MSI2: variants seen among roughly 807,000 people sequenced by gnomAD.
MSI2 encodes the protein RNA-binding protein Musashi homolog 2.
A neutral mutation model predicts 45.6 loss-of-function variants in MSI2; 17 were observed. The observed-to-expected ratio is 0.37, with a 90% CI of 0.26 to 0.56. The LOEUF (loss-of-function observed/expected upper bound fraction) is 0.56, where lower values mean the gene tolerates loss of function less well. Ranked by LOEUF, MSI2 falls within the 20% of genes least tolerant of loss-of-function variation. The probability of loss-of-function intolerance (pLI) is 0.77; values close to 1 mark genes in which losing one functional copy is unlikely to be tolerated. For missense variants in MSI2, 293 were observed against 444.2 expected (o/e 0.66, Z 3.06); for synonymous variants, 156 against 158.2 (o/e 0.99, Z 0.11).
At chr17:57,256,461 T>C, upstream of MSI2, 1 of 62,282 alleles carries the variant, frequency 1.6e-5, no homozygotes, top group Non-Finnish European at 2.7e-5. Flanking sequence ...GAGGAGGAGA[T>C]GGGGGTGGGG....
At chr17:57,643,697 A>G (rs141414834) in intron 10 of MSI2, among the ~76,000 whole-genome samples, 2 of 152,388 alleles carry the variant, frequency 1.3e-5, no homozygotes, top group African/African-American at 2.4e-5. Context: ...TGAAACCTCA[A>G]CAAAGGTTTG....
At chr17:57,343,110 C>A (rs569372261) in intron 5 of MSI2, among the ~76,000 whole-genome samples, 8 of 152,272 alleles carry the variant, frequency 5.3e-5, no homozygotes, top group African/African-American at 1.9e-4. Flanking sequence ...TGACTACAAT[C>A]AATTTTGCTG....
intron 5 of MSI2, among the ~76,000 whole-genome samples, chr17:57,379,862 C>T (rs1036195475): frequency 3.9e-5 from 6 of 152,320 alleles, no homozygotes; most frequent in African/African-American, 1.2e-4. Flanking sequence ...TTCTCGAATA[C>T]GGTGACTCCC....
At chr17:57,447,804 C>T (rs2084927971) in intron 6 of MSI2, among the ~76,000 whole-genome samples, 1 of 152,134 alleles carries the variant, frequency 6.6e-6, no homozygotes, top group Non-Finnish European at 1.5e-5. Flanking sequence ...TCTTATCTTT[C>T]CCCAGCCCCC....
intron 5 of MSI2, among the ~76,000 whole-genome samples, chr17:57,287,620 G>A (rs1213972853): frequency 6.6e-6 from 1 of 152,156 alleles, no homozygotes; most frequent in Admixed American, 6.5e-5. Context: ...CAGGGAAGAG[G>A]CCTGTGGTGC....
At chr17:57,661,429 T>A (rs372324342) in intron 11 of MSI2, among the ~76,000 whole-genome samples, 2 of 152,046 alleles carry the variant, frequency 1.3e-5, no homozygotes, top group African/African-American at 2.4e-5. Context: ...TTCTGGGAGA[T>A]CTTGAAAGCC....
intron 6 of MSI2, among the ~76,000 whole-genome samples, chr17:57,496,543 C>CCATTTGGTCA (rs955211827): frequency 3.3e-4 from 50 of 152,346 alleles, no homozygotes; most frequent in African/African-American, 1.1e-3. Flanking sequence ...GCTCTGTCAG[C>CCATTTGGTCA]CATTTGGTCA....
intron 6 of MSI2, among the ~76,000 whole-genome samples, chr17:57,515,601 C>T (rs576769307): frequency 1.1e-4 from 16 of 152,202 alleles, no homozygotes; most frequent in African/African-American, 3.6e-4. Flanking sequence ...CTCTAGTGGG[C>T]GCTAGGTAGG....
At chr17:57,654,065 T>C (rs1356823927) in intron 11 of MSI2, among the ~76,000 whole-genome samples, 2 of 151,724 alleles carry the variant, frequency 1.3e-5, no homozygotes, top group Non-Finnish European at 2.9e-5. Flanking sequence ...TATTCAGGAG[T>C]GTGCTCCCAG....
At chr17:57,412,235 G>T (rs1015063592) in intron 6 of MSI2, among the ~76,000 whole-genome samples, 1 of 151,774 alleles carries the variant, frequency 6.6e-6, no homozygotes, top group Non-Finnish European at 1.5e-5. Flanking sequence ...ACAGGGTTTC[G>T]CCATGTTAGC....
rs573422981 is a variant in MSI2 at position 57,403,485 on chromosome 17, G to A, written c.405+2014G>A. The stretch of plus-strand genomic sequence containing the variant: ...TCTTCCCTGGCATGGCACTCGCTGG[G>A]TCTGAAGCTGCCCAGTTAATTTTGC... On this transcript the variant is annotated intron_variant, in intron 6 of 13. Transcript: ENST00000284073. Among the ~76,000 whole-genome samples, 10 of 152,338 alleles carry A rather than the reference G, an allele frequency of 6.6e-5. No homozygotes were observed. In the South Asian group the frequency reaches 2.1e-3, roughly 32 times the overall value.
Position 57,403,933 on chromosome 17 carries a change from G to GCA in MSI2, c.405+2492_405+2493dup, listed in dbSNP as rs58718271. ...TGGTTGAAGGAAACAGAATGAATGT[G>GCA]CACACACACACACACACACACACAC... On this transcript the variant is annotated intron_variant, in intron 6 of 13. Coordinates refer to ENST00000284073, the MANE Select transcript of MSI2 (RefSeq NM_138962.4). Among the ~76,000 whole-genome samples the GCA allele has an allele frequency of 9.1e-3, 1,360 of 149,172 alleles. 22 individuals are homozygous for GCA. The highest frequency in any genetic ancestry group is 0.031 in the African/African-American group (1,281 of 40,876).
chr17:57,677,029 G>A lies in MSI2; in HGVS notation c.*1G>A. ...GGCCTTTACAAATGGATACCATTGA[G>A]CAGGTGCTTTCGTTGCCATCTCACT... On this transcript the variant is annotated 3_prime_UTR_variant, in exon 13 of 14. Coordinates refer to ENST00000284073, the MANE Select transcript of MSI2 (RefSeq NM_138962.4). The A allele has an allele frequency of 6.2e-7, 1 of 1,613,926 alleles. No individual in the cohort carries two copies. The highest frequency in any genetic ancestry group is 8.5e-7 in the Non-Finnish European group (1 of 1,179,780).
chr17:57,296,577 A>G lies in MSI2; in HGVS notation c.312+34385A>G, dbSNP rs570533848. 7.7e-4 allele frequency among the ~76,000 whole-genome samples: 117 copies of G among 152,346 alleles called. 1 individual carries two copies. The highest frequency in any genetic ancestry group is 6.8e-3 in the Middle Eastern group (2 of 294). On this transcript the variant is annotated intron_variant, in intron 5 of 13. Coordinates refer to ENST00000284073, the MANE Select transcript of MSI2 (RefSeq NM_138962.4). ...AGAGTACCAGTACTTACCAAGGAAGAATAAATAATCATAAAATGTTTACAT... is the reference window on the plus strand; with the variant it reads ...AGAGTACCAGTACTTACCAAGGAAGGATAAATAATCATAAAATGTTTACAT...
intron 6 of MSI2, among the ~76,000 whole-genome samples, chr17:57,410,682 AAGT>A (rs141789360): frequency 0.26 from 39,591 of 151,854 alleles, 5,441 homozygotes; most frequent in African/African-American, 0.33. Flanking sequence ...TAATTTGTGA[AAGT>A]AGATTAGTTG....
chr17:57,435,021 T>C (rs1421323985), intron 6 of MSI2, among the ~76,000 whole-genome samples: 1 of 152,166 alleles, frequency 6.6e-6, no homozygotes, highest in Non-Finnish European at 1.5e-5. Flanking sequence ...ATAACAAACA[T>C]AGCAGAGAGT....
intron 5 of MSI2, among the ~76,000 whole-genome samples, chr17:57,362,495 G>T (rs2143908271): frequency 6.6e-6 from 1 of 152,296 alleles, no homozygotes; most frequent in East Asian, 1.9e-4. Flanking sequence ...TGTTTGCCCA[G>T]TGAGTTTATG....
chr17:57,442,110 C>A (rs2084811079), intron 6 of MSI2, among the ~76,000 whole-genome samples: 1 of 151,088 alleles, frequency 6.6e-6, no homozygotes, highest in Admixed American at 6.6e-5. Flanking sequence ...GATCTCGGCT[C>A]ACTGGGTCCT....
intron 5 of MSI2, among the ~76,000 whole-genome samples, chr17:57,373,508 A>C (rs1275929914): frequency 2.6e-5 from 4 of 152,224 alleles, no homozygotes; most frequent in African/African-American, 9.6e-5. Flanking sequence ...CATCTGGTTT[A>C]AGCAGAAAGG....
Sources: gnomAD v4.1 joint callset for allele counts (sites outside exome capture counted in the v4.1 genomes callset) on GRCh38, gnomAD v4.1.1 for gene constraint, MANE v1.5 for transcripts, NCBI Gene and HGNC (gene_info 2026-07-23, HGNC 2026-07-21) for gene names.